Variants in MAF observed in about 807,000 individuals in gnomAD.
MAF encodes the protein transcription factor Maf.
In MAF, 10 loss-of-function variants were observed where a neutral mutation model predicts 22.0. The ratio of observed to expected loss-of-function variants is 0.45; its 90% CI spans 0.28 to 0.77. The LOEUF (loss-of-function observed/expected upper bound fraction) is 0.77, where lower values mean the gene tolerates loss of function less well. Ranked by LOEUF, MAF falls within the 30% of genes least tolerant of loss-of-function variation. The pLI is 0.12. For synonymous variants in MAF, 337 were observed against 255.8 expected (o/e 1.32, Z -3.03); for missense variants, 544 against 548.4 (o/e 0.99, Z 0.08).
downstream of MAF, among the ~76,000 whole-genome samples, chr16:79,589,819 G>A (rs755485862): frequency 9.2e-5 from 14 of 152,164 alleles, no homozygotes; most frequent in Non-Finnish European, 1.8e-4. Context: ...GGTGGGCGCG[G>A]GGCCCTGGGG....
At chr16:79,592,483 G>T (rs184194061), downstream of MAF, among the ~76,000 whole-genome samples, 523 of 152,328 alleles carry the variant, frequency 3.4e-3, 7 homozygotes, top group Non-Finnish European at 2.1e-3. Context: ...CAGTGTTATG[G>T]CAAGTTGGGT....
At chr16:79,288,057 C>T in the MAF span, among the ~76,000 whole-genome samples, 2 of 152,108 alleles carry the variant, frequency 1.3e-5, no homozygotes, top group African/African-American at 4.8e-5. Flanking sequence ...TGTAATTACT[C>T]TGTTTTTATC....
the MAF span, among the ~76,000 whole-genome samples, chr16:79,340,480 G>A: frequency 1.3e-5 from 2 of 151,214 alleles, no homozygotes; most frequent in African/African-American, 4.8e-5. Flanking sequence ...AAGTAGTCAA[G>A]GCCATGCCTT....
chr16:79,325,921 C>T, the MAF span, among the ~76,000 whole-genome samples: 2 of 152,168 alleles, frequency 1.3e-5, no homozygotes, highest in East Asian at 3.9e-4. Flanking sequence ...CCAGGATCCC[C>T]ACACTCTGAT....
At chr16:79,559,870 G>C in the MAF span, among the ~76,000 whole-genome samples, 1 of 152,092 alleles carries the variant, frequency 6.6e-6, no homozygotes, top group South Asian at 2.1e-4. Context: ...TGCTGCTTTG[G>C]TTTTATTTGT....
chr16:79,212,639 G>A, the MAF span: 2 of 150,056 alleles, frequency 1.3e-5, no homozygotes, highest in African/African-American at 2.4e-5. Flanking sequence ...CGCATCCTAT[G>A]CTTAATAAAA....
chr16:79,587,489 A>T (rs977116738), intron 1 of MAF, among the ~76,000 whole-genome samples: 42 of 152,280 alleles, frequency 2.8e-4, no homozygotes, highest in Non-Finnish European at 5.6e-4. Flanking sequence ...TAGAGTTTAA[A>T]AGCTTAAGAG....
chr16:79,583,376 TC>T (rs1394280006), downstream of MAF, among the ~76,000 whole-genome samples: 1 of 152,194 alleles, frequency 6.6e-6, no homozygotes, highest in African/African-American at 2.4e-5. Flanking sequence ...AAAAAAAATA[TC>T]GATGGGTACT....
chr16:79,315,045 C>T, the MAF span, among the ~76,000 whole-genome samples: 9 of 152,172 alleles, frequency 5.9e-5, no homozygotes, highest in African/African-American at 9.7e-5. Context: ...CTGGCTGGAC[C>T]TTTTGTCTGC....
the MAF span, among the ~76,000 whole-genome samples, chr16:79,579,791 C>G: frequency 2.1e-3 from 327 of 152,134 alleles, 4 homozygotes; most frequent in Middle Eastern, 3.4e-3. Flanking sequence ...TTAACCATGG[C>G]AAACATGGGA....
the MAF span, among the ~76,000 whole-genome samples, chr16:79,350,417 A>G: frequency 3.9e-5 from 6 of 152,228 alleles, no homozygotes; most frequent in Non-Finnish European, 8.8e-5. Context: ...GAAATTCTAT[A>G]GCAGATAAAT....
At chr16:79,443,927 G>C in the MAF span, among the ~76,000 whole-genome samples, 1 of 151,978 alleles carries the variant, frequency 6.6e-6, no homozygotes, top group Admixed American at 6.5e-5. Flanking sequence ...TTTAAATGAA[G>C]ATTTCTATCT....
the MAF span, among the ~76,000 whole-genome samples, chr16:79,225,325 C>G: frequency 6.6e-6 from 1 of 152,150 alleles, no homozygotes; most frequent in African/African-American, 2.4e-5. Context: ...AAAACAGAAA[C>G]TGGAACCCTT....
chr16:79,284,857 A>G, the MAF span, among the ~76,000 whole-genome samples: 32 of 152,166 alleles, frequency 2.1e-4, no homozygotes, highest in Non-Finnish European at 1.3e-4. Flanking sequence ...GGACTCGTTA[A>G]AAATACAGAA....
At chr16:79,433,389 A>C in the MAF span, among the ~76,000 whole-genome samples, 1 of 151,638 alleles carries the variant, frequency 6.6e-6, no homozygotes, top group South Asian at 2.1e-4. Context: ...AAAACTATAT[A>C]ACTGATTGTG....
chr16:79,328,586 C>T, the MAF span, among the ~76,000 whole-genome samples: 1 of 152,340 alleles, frequency 6.6e-6, no homozygotes, highest in South Asian at 2.1e-4. Context: ...CCTAAAATCC[C>T]TCGAGCCGAG....
At chr16:79,287,942 T>C in the MAF span, among the ~76,000 whole-genome samples, 2 of 152,200 alleles carry the variant, frequency 1.3e-5, no homozygotes, top group Non-Finnish European at 2.9e-5. Flanking sequence ...CTCCGATTTA[T>C]TGAGAACCCA....
the MAF span, among the ~76,000 whole-genome samples, chr16:79,216,675 G>A: frequency 2.6e-5 from 4 of 152,098 alleles, no homozygotes; most frequent in East Asian, 3.9e-4. Context: ...TGTATTAAAT[G>A]CATTTTTGAC....
chr16:79,362,022 A>G, the MAF span, among the ~76,000 whole-genome samples: 1 of 152,292 alleles, frequency 6.6e-6, no homozygotes, highest in East Asian at 1.9e-4. Flanking sequence ...CTGGATTAGG[A>G]AGGTGGGCTC....
Sources: allele counts gnomAD v4.1 joint callset (sites outside exome capture counted in the v4.1 genomes callset), GRCh38; gene constraint gnomAD v4.1.1; transcripts MANE v1.5; gene names NCBI Gene and HGNC (gene_info 2026-07-23, HGNC 2026-07-21).